The following HNRNPA1 variants were observed in gnomAD, a reference collection of about 807,000 sequenced individuals.
HNRNPA1 encodes epididymis secretory sperm binding protein.
A neutral mutation model predicts 44.4 loss-of-function variants in HNRNPA1; 7 were observed. The observed-to-expected ratio is 0.16, with a 90% CI of 0.09 to 0.30. HNRNPA1 has a LOEUF of 0.30. Ranked by LOEUF, HNRNPA1 falls within the 10% of genes least tolerant of loss-of-function variation. The pLI is 1.00. For synonymous variants in HNRNPA1, 169 were observed against 160.6 expected (o/e 1.05, Z -0.40); for missense variants, 193 against 465.8 (o/e 0.41, Z 5.39).
At position 54,285,037 on chromosome 12, in the gene HNRNPA1, A is replaced by G. The variant is rs1241109952; in HGVS notation, c.*493A>G. ...CCATTGTCTTCGGAAACCTTGGTGT[A>G]GTTGAACTGATAGTTACTGTTGTGA... On this transcript the variant is annotated 3_prime_UTR_variant, in exon 11 of 11. Coordinates refer to ENST00000340913, the MANE Select transcript of HNRNPA1 (RefSeq NM_031157.4). 1 of 191,312 alleles carries G rather than the reference A, an allele frequency of 5.2e-6. No homozygotes were observed. Among genetic ancestry groups the G allele is most frequent in the Non-Finnish European group, 1.1e-5 (1 of 90,306 alleles). The allele number at this position is 191,312 out of a possible 1,614,324, so 11.9% of individuals were successfully genotyped here.
Position 54,281,952 on chromosome 12 carries a change from T to A in HNRNPA1, c.279+11T>A. Reference sequence around the variant, plus strand: ...GCTGTCTCCAGAGAAGTGAGTGGGTTTTTTTTCTTCTTCTTCTTAAACTTA... The same window carrying A: ...GCTGTCTCCAGAGAAGTGAGTGGGTATTTTTTCTTCTTCTTCTTAAACTTA... On this transcript the variant is annotated intron_variant, in intron 3 of 10. Coordinates refer to ENST00000340913, the MANE Select transcript of HNRNPA1 (RefSeq NM_031157.4). The A allele has an allele frequency of 6.2e-7, 1 of 1,612,492 alleles. No individual in the cohort carries two copies. Among genetic ancestry groups the A allele is most frequent in the Non-Finnish European group, 8.5e-7 (1 of 1,179,862 alleles).
In HNRNPA1 at chr12:54,281,729, CAA is replaced by C. The variant is rs1275498968; in HGVS notation, c.133-64_133-63del. On this transcript the variant is annotated intron_variant, in intron 2 of 10. Transcript: ENST00000340913. ...GTGTAAAGTTTCCTATTGCCCTATT[CAA>C]AGTTAAAATGACAAAAGCTTTTGCG... 16 of 1,521,532 alleles carry C rather than the reference CAA, an allele frequency of 1.1e-5. No individual in the cohort carries two copies. The African/African-American group carries it at 2.2e-4, about 21-fold the overall frequency. 94.3% of individuals were successfully genotyped at this position (1,521,532 alleles called of 1,614,324 possible).
At position 54,282,619 on chromosome 12, in the gene HNRNPA1, C is replaced by T. The variant is rs1054887843; in HGVS notation, c.630C>T (p.Phe210=). The T allele has an allele frequency of 1.6e-5, 26 of 1,613,628 alleles. No individual in the cohort carries two copies. Among genetic ancestry groups the T allele is most frequent in the African/African-American group, 8.0e-5 (6 of 74,814 alleles). ...GNFGGGRGGG[F]GGNDNFGRGG... is the part of the protein sequence containing the mutation. ...TTGGTGGTGGTCGTGGAGGTGGTTT[C>T]GGTGGGAATGACAACTTCGGTCGTG... The change falls in exon 6 of 11, where the codon TTC becomes TTT. Residue 210 remains phenylalanine (F), a synonymous_variant. Coordinates refer to ENST00000340913, the MANE Select transcript of HNRNPA1 (RefSeq NM_031157.4).
intron 8 of HNRNPA1, 48 bp from the exon 9 acceptor site, chr12:54,283,764 T>C: frequency 6.3e-7 from 1 of 1,578,016 alleles, no homozygotes; most frequent in Non-Finnish European, 8.7e-7. Context: ...AATTGGAAAC[T>C]AACATCATCC....
chr12:54,283,350 T>C (rs967680671), intron 8 of HNRNPA1, 116 bp downstream of exon 8: 7 of 1,198,026 alleles, frequency 5.8e-6, no homozygotes, highest in Non-Finnish European at 8.3e-6. Context: ...TAAAAACAAA[T>C]GGGCTTGCTA....
At chr12:54,282,723 T>G (rs1213319634) in intron 6 of HNRNPA1, 58 bp downstream of exon 6, 4 of 1,594,362 alleles carry the variant, frequency 2.5e-6, no homozygotes, top group Non-Finnish European at 2.6e-6. Flanking sequence ...CTATGAAGAT[T>G]TTACAGTACG....
chr12:54,280,782 T>C lies in HNRNPA1; in HGVS notation c.-26T>C. 6.2e-7 allele frequency: 1 copy of C among 1,614,144 alleles called. No homozygotes were observed. Among genetic ancestry groups the C allele is most frequent in the East Asian group, 2.2e-5 (1 of 44,888 alleles). ...CGTGGACGCCGCCGAAGAAGCATCG[T>C]TAAAGTCTCTCTTCACCCTGCCGTC... On this transcript the variant is annotated 5_prime_UTR_variant, in exon 1 of 11. Transcript: ENST00000340913.
intron 10 of HNRNPA1, 32 bp downstream of exon 10, chr12:54,284,349 A>C: frequency 6.3e-7 from 1 of 1,583,272 alleles, no homozygotes; most frequent in Non-Finnish European, 8.7e-7. Flanking sequence ...TGTTGACATA[A>C]TTTTTTAAAT....
chr12:54,283,741 G>C, intron 8 of HNRNPA1, 71 bp from the exon 9 acceptor site: 1 of 1,452,044 alleles, frequency 6.9e-7, no homozygotes, highest in Middle Eastern at 1.7e-4. Context: ...ATTTTATTCT[G>C]ACTGCTAAAC....
chr12:54,282,562 C>G lies in HNRNPA1; in HGVS notation c.584-11C>G. ...TATGAATGATTTAATGCTTAAACTT[C>G]ATGTCTTAAGGTCGAAGTGGTTCTG... is the stretch of plus-strand genomic sequence containing the variant. On this transcript the variant is annotated splice_polypyrimidine_tract_variant and intron_variant, in intron 5 of 10. Transcript: ENST00000340913. 1.9e-6 allele frequency: 3 copies of G among 1,613,364 alleles called. No individual in the cohort carries two copies. The highest frequency in any genetic ancestry group is 2.5e-6 in the Non-Finnish European group (3 of 1,179,460).
chr12:54,283,762 A>C, intron 8 of HNRNPA1, 50 bp from the exon 9 acceptor site: 1 of 1,570,632 alleles, frequency 6.4e-7, no homozygotes, highest in Non-Finnish European at 8.8e-7. Context: ...AGAATTGGAA[A>C]CTAACATCAT....
In HNRNPA1 at chr12:54,282,231, G is replaced by A; in HGVS notation, c.421G>A (p.Gly141Ser). 4 of 1,610,168 alleles carry A rather than the reference G, an allele frequency of 2.5e-6. No individual in the cohort carries two copies. The highest frequency in any genetic ancestry group is 3.4e-6 in the Non-Finnish European group (4 of 1,178,876). The change falls in exon 4 of 11, where the codon GGC becomes AGC. Residue 141 changes from glycine (G) to serine (S), a missense_variant. Physicochemically the swap from Gly to Ser is moderately conservative, Grantham distance 56. Transcript: ENST00000340913. Reference sequence around the variant, plus strand: ...AGTGATTGAAATCATGACTGACCGAGGCAGTGGCAAGAAAAGGGGCTTTGC... The same window carrying A: ...AGTGATTGAAATCATGACTGACCGAAGCAGTGGCAAGAAAAGGGGCTTTGC... ...IEVIEIMTDR[G>S]SGKKRGFAFV...
chr12:54,284,073 T>G, intron 9 of HNRNPA1, 106 bp downstream of exon 9: 1 of 1,397,088 alleles, frequency 7.2e-7, no homozygotes, highest in Non-Finnish European at 9.7e-7. Context: ...CGTTTATAGT[T>G]TAGAACCTTC....
At chr12:54,281,019 T>A (rs1565879200) in intron 1 of HNRNPA1, 197 bp downstream of exon 1, 2 of 718,466 alleles carry the variant, frequency 2.8e-6, no homozygotes, top group Admixed American at 2.0e-5. Flanking sequence ...AACCATGAGT[T>A]ATCATGCGGG....
chr12:54,283,751 C>T (rs905335524), intron 8 of HNRNPA1, 61 bp from the exon 9 acceptor site: 1 of 1,519,912 alleles, frequency 6.6e-7, no homozygotes, highest in Non-Finnish European at 9.1e-7. Context: ...GACTGCTAAA[C>T]AGAATTGGAA....
Position 54,280,833 on chromosome 12 carries a change from C to T in HNRNPA1, c.15+11C>T, listed in dbSNP as rs1410181468. Reference sequence around the variant, plus strand: ...ATGTCTAAGTCAGAGGTGAGTTAGGCGCGCTTTCCCACTTGAATTTTTTCC... The same window carrying T: ...ATGTCTAAGTCAGAGGTGAGTTAGGTGCGCTTTCCCACTTGAATTTTTTCC... On this transcript the variant is annotated intron_variant, in intron 1 of 10. Transcript: ENST00000340913. The T allele has an allele frequency of 1.2e-6, 2 of 1,614,092 alleles. No homozygotes were observed. The highest frequency in any genetic ancestry group is 2.2e-5 in the East Asian group (1 of 44,888).
chr12:54,286,151 A>G lies in HNRNPA1; in HGVS notation c.*1607A>G, dbSNP rs1340199877. On this transcript the variant is annotated 3_prime_UTR_variant, in exon 11 of 11. Coordinates refer to ENST00000340913, the MANE Select transcript of HNRNPA1 (RefSeq NM_031157.4). Reference sequence around the variant, plus strand: ...AGATAAGCCAGGGGCAGGCCACGGCACGCTCCATGAAAGCTAGGAGGGAGT... The same window carrying G: ...AGATAAGCCAGGGGCAGGCCACGGCGCGCTCCATGAAAGCTAGGAGGGAGT... 6.6e-6 allele frequency: 1 copy of G among 152,260 alleles called. No homozygotes were observed. Among genetic ancestry groups the G allele is most frequent in the East Asian group, 1.9e-4 (1 of 5,208 alleles). 9.4% of individuals were successfully genotyped at this position (152,260 alleles called of 1,614,324 possible). A position where few individuals can be genotyped will look rare whatever the true frequency, so the allele number is the denominator to read the frequency against.
In HNRNPA1 at chr12:54,281,918, C is replaced by A; in HGVS notation, c.256C>A (p.Pro86Thr). 6.2e-7 allele frequency: 1 copy of A among 1,613,496 alleles called. No homozygotes were observed. The change falls in exon 3 of 11, where the codon CCA becomes ACA. Residue 86 changes from proline to threonine, a missense_variant. Pro to Thr is a conservative substitution (Grantham distance 38). Coordinates refer to ENST00000340913, the MANE Select transcript of HNRNPA1 (RefSeq NM_031157.4). ...CAAGGTGGATGGAAGAGTTGTGGAACCAAAGAGAGCTGTCTCCAGAGAAGT... is the reference window on the plus strand; with the variant it reads ...CAAGGTGGATGGAAGAGTTGTGGAAACAAAGAGAGCTGTCTCCAGAGAAGT... ...PHKVDGRVVE[P>T]KRAVSREDSQ... is the part of the protein sequence containing the mutation.
chr12:54,286,415 T>A lies in HNRNPA1; in HGVS notation c.*1871T>A, dbSNP rs1048545874. The A allele has an allele frequency of 1.3e-5, 2 of 152,242 alleles. No individual in the cohort carries two copies. The highest frequency in any genetic ancestry group is 2.4e-5 in the African/African-American group (1 of 41,462). The allele number at this position is 152,242 out of a possible 1,614,324, so 9.4% of individuals were successfully genotyped here. ...ACTTGGTTTTTCTGGAGATGAATTG[T>A]TTTAAATTGACACCCTATTGATGGC... On this transcript the variant is annotated 3_prime_UTR_variant, in exon 11 of 11. Transcript: ENST00000340913.
Sources: gnomAD v4.1 joint callset for allele counts on GRCh38, gnomAD v4.1.1 for gene constraint, MANE v1.5 for transcripts, NCBI Gene and HGNC (gene_info 2026-07-23, HGNC 2026-07-21) for gene names.